IL10RB: variants seen among roughly 807,000 people sequenced by gnomAD.
IL10RB encodes the protein interleukin-10 receptor subunit beta.
Under a neutral mutation model 38.7 loss-of-function variants are expected in IL10RB, and 30 were observed. The ratio of observed to expected loss-of-function variants is 0.78; its 90% confidence interval spans 0.58 to 1.05. The LOEUF is 1.05. Among genes scored for constraint, IL10RB ranks in the 50% least tolerant of loss-of-function variants. IL10RB has a pLI of 0.00. For missense variants in IL10RB, 328 were observed against 397.1 expected (o/e 0.83, Z 1.48); for synonymous variants, 142 against 145.9 (o/e 0.97, Z 0.19).
chr21:33,303,443 C>T (rs1336956211), intron 1 of IL10RB, among the ~76,000 whole-genome samples: 2 of 151,486 alleles, frequency 1.3e-5, no homozygotes, highest in African/African-American at 2.4e-5. Context: ...CAACCTCCAC[C>T]TCCCGGGTTC....
chr21:33,290,029 G>A (rs758084463), intron 6 of IL10RB, among the ~76,000 whole-genome samples: 3 of 152,122 alleles, frequency 2.0e-5, no homozygotes, highest in Non-Finnish European at 4.4e-5. Flanking sequence ...CAGGAGAATG[G>A]CGTGAACCCG....
chr21:33,304,002 A>C (rs898204543), intron 1 of IL10RB, among the ~76,000 whole-genome samples: 30 of 152,262 alleles, frequency 2.0e-4, no homozygotes, highest in Non-Finnish European at 4.1e-4. Flanking sequence ...GGGGAATGAG[A>C]AAGTGAGCCC....
At chr21:33,300,396 G>A (rs7282795), downstream of IL10RB, among the ~76,000 whole-genome samples, 33,562 of 150,122 alleles carry the variant, frequency 0.22, 3,923 homozygotes, top group East Asian at 0.38. Context: ...AGCCGAGATC[G>A]TGCCACTGCA....
In IL10RB at chr21:33,274,469, C is replaced by A. The variant is rs375025727; in HGVS notation, c.174-2127C>A. ...GATTACAGGCATGAGCCACTGTGCC[C>A]AGCTTCAAAATATATTTCTTAAATA... On this transcript the variant is annotated intron_variant, in intron 2 of 6. Transcript: ENST00000290200. 2.5e-4 allele frequency among the ~76,000 whole-genome samples: 38 copies of A among 152,280 alleles called. 2 individuals are homozygous for A. In the East Asian group the frequency reaches 7.1e-3, roughly 29 times the overall value.
At chr21:33,288,055 T>G in intron 5 of IL10RB, 49 bp from the exon 6 acceptor site, 1 of 1,583,324 alleles carries the variant, frequency 6.3e-7, no homozygotes, top group Non-Finnish European at 8.7e-7. Flanking sequence ...TTGGGATCAC[T>G]GTGACCCGAC....
At chr21:33,306,160 A>G (rs1018771526) in intron 1 of IL10RB, among the ~76,000 whole-genome samples, 1 of 152,096 alleles carries the variant, frequency 6.6e-6, no homozygotes, top group Non-Finnish European at 1.5e-5. Flanking sequence ...GAAGTCTCCC[A>G]GGGCATGGAA....
chr21:33,269,714 A>G (rs1015574287), intron 2 of IL10RB, among the ~76,000 whole-genome samples: 38 of 145,626 alleles, frequency 2.6e-4, no homozygotes, highest in Admixed American at 1.4e-4. Flanking sequence ...GCTGGAGTGC[A>G]GTGGCGCGAT....
chr21:33,304,802 T>C (rs2082994959), intron 1 of IL10RB, among the ~76,000 whole-genome samples: 1 of 152,232 alleles, frequency 6.6e-6, no homozygotes, highest in South Asian at 2.1e-4. Context: ...GCCAGTTCCT[T>C]CTTCAAACAA....
intron 2 of IL10RB, among the ~76,000 whole-genome samples, chr21:33,272,802 A>T (rs1397572993): frequency 6.6e-6 from 1 of 152,136 alleles, no homozygotes; most frequent in Non-Finnish European, 1.5e-5. Context: ...CGTGGAGCCA[A>T]TTACACCTCC....
chr21:33,289,251 C>T (rs1027905733), intron 6 of IL10RB, among the ~76,000 whole-genome samples: 1 of 152,202 alleles, frequency 6.6e-6, no homozygotes, highest in Non-Finnish European at 1.5e-5. Flanking sequence ...CCTGAAGGCA[C>T]CACAGCCTCC....
intron 3 of IL10RB, among the ~76,000 whole-genome samples, chr21:33,276,970 A>G (rs937202284): frequency 4.6e-5 from 7 of 152,204 alleles, no homozygotes; most frequent in Admixed American, 2.6e-4. Flanking sequence ...AATTAAATAT[A>G]AATCTAACAC....
chr21:33,304,496 A>G (rs2082993815), intron 1 of IL10RB, among the ~76,000 whole-genome samples: 1 of 152,190 alleles, frequency 6.6e-6, no homozygotes, highest in Non-Finnish European at 1.5e-5. Context: ...CTCAAGGTGC[A>G]ATCGTGGTTT....
intron 5 of IL10RB, among the ~76,000 whole-genome samples, chr21:33,285,972 C>T (rs971016543): frequency 1.3e-5 from 2 of 152,046 alleles, no homozygotes; most frequent in Admixed American, 1.3e-4. Flanking sequence ...TTCTGGGCTC[C>T]GGTGCATGAA....
chr21:33,268,462 T>C lies in IL10RB; in HGVS notation c.118T>C (p.Trp40Arg). 1 of 1,614,170 alleles carries C rather than the reference T, an allele frequency of 6.2e-7. No individual in the cohort carries two copies. Among genetic ancestry groups the C allele is most frequent in the Non-Finnish European group, 8.5e-7 (1 of 1,179,964 alleles). ...TGTTAATTTCAAGAACATTCTACAG[T>C]GGGAGTCACCTGCTTTTGCCAAAGG... ...NSVNFKNILQ[W>R]ESPAFAKGNL... is the part of the protein sequence containing the mutation. Residue 40 changes from tryptophan (W) to arginine (R), a missense_variant, in exon 2 of 7, where the codon TGG becomes CGG. Trp to Arg is a moderately radical substitution (Grantham distance 101). Coordinates refer to ENST00000290200, the MANE Select transcript of IL10RB (RefSeq NM_000628.5).
At chr21:33,293,986 A>G (rs971850298) in intron 6 of IL10RB, 1 of 470,920 alleles carries the variant, frequency 2.1e-6, no homozygotes, top group African/African-American at 2.0e-5. Flanking sequence ...TTCACCTGCT[A>G]TTTTTGCTTC....
chr21:33,295,094 G>C (rs2850013), intron 6 of IL10RB, among the ~76,000 whole-genome samples: 8,384 of 152,260 alleles, frequency 0.055, 754 homozygotes, highest in African/African-American at 0.19. Context: ...GGCCGGGTGC[G>C]GTGGCTCACG....
downstream of IL10RB, among the ~76,000 whole-genome samples, chr21:33,300,017 T>G (rs554899048): frequency 6.6e-6 from 1 of 152,338 alleles, no homozygotes; most frequent in East Asian, 1.9e-4. Flanking sequence ...CCCATGCACT[T>G]CAGCCTTCTC....
intron 6 of IL10RB, among the ~76,000 whole-genome samples, chr21:33,294,377 G>T (rs971208563): frequency 2.5e-5 from 3 of 120,768 alleles, no homozygotes; most frequent in African/African-American, 1.2e-4. Context: ...GTTTGTGTGT[G>T]TGTGTGTGTG....
chr21:33,297,466 G>A (rs1386910140), downstream of IL10RB, among the ~76,000 whole-genome samples: 1 of 151,952 alleles, frequency 6.6e-6, no homozygotes, highest in Non-Finnish European at 1.5e-5. Flanking sequence ...AAGTATAGTT[G>A]TGGAAGTTTA....
Sources: allele counts gnomAD v4.1 joint callset (sites outside exome capture counted in the v4.1 genomes callset), GRCh38; gene constraint gnomAD v4.1.1; transcripts MANE v1.5; gene names NCBI Gene and HGNC (gene_info 2026-07-23, HGNC 2026-07-21).